The following CSMD1 variants were observed in gnomAD, a reference collection of about 807,000 sequenced individuals.
CSMD1 encodes the protein CUB and sushi domain-containing protein 1.
CSMD1 carries 213 observed loss-of-function variants against 417.5 expected under a neutral mutation model. The observed-to-expected ratio is 0.51, with a 90% CI of 0.46 to 0.57. CSMD1 has a LOEUF of 0.57. CSMD1 is among the 20% of genes least tolerant of loss of function. CSMD1 has a pLI of 0.00. For missense variants in CSMD1, 6,923 were observed against 4,529.7 expected, an observed-to-expected ratio of 1.53 and a Z score of -15.17; for synonymous variants, 2,862 against 1,736.8, an observed-to-expected ratio of 1.65 and a Z score of -16.11.
chr8:4,738,905 G>GTGTGTGTGTGTGTA (rs1554464191), intron 1 of CSMD1, among the ~76,000 whole-genome samples: 2 of 150,702 alleles, frequency 1.3e-5, no homozygotes, highest in African/African-American at 4.9e-5. Context: ...CTGTGTGTTT[G>GTGTGTGTGTGTGTA]TGTGTGTGTG....
chr8:3,753,477 T>C (rs867626618), intron 6 of CSMD1, among the ~76,000 whole-genome samples: 6 of 152,316 alleles, frequency 3.9e-5, no homozygotes, highest in Admixed American at 6.5e-5. Flanking sequence ...TTAAGATTCA[T>C]TGTGTGTAAA....
In CSMD1 at chr8:2,950,265, T is replaced by G. The variant is rs1482245622; in HGVS notation, c.10280A>C (p.Lys3427Thr). 2.5e-6 allele frequency: 4 copies of G among 1,613,048 alleles called. No homozygotes were observed. The African/African-American group carries it at 5.3e-5, about 22-fold the overall frequency. The change falls in exon 67 of 70, where the codon AAG becomes ACG. Residue 3427 changes from lysine (K) to threonine (T), a missense_variant. Physicochemically the swap from Lys to Thr is moderately conservative, Grantham distance 78. Transcript: ENST00000635120. ...TAGTCCCCAGTTGTCATTTTCGAAC[T>G]TGCTTACAAAAATATCTGCCTGGCC... ...IKGQADIFVS[K>T]FENDNWGLDG...
chr8:3,391,751 C>A (rs932019565), intron 17 of CSMD1, among the ~76,000 whole-genome samples: 3 of 152,146 alleles, frequency 2.0e-5, no homozygotes, highest in African/African-American at 7.2e-5. Flanking sequence ...TATAAGTCAG[C>A]CTCGAGTACC....
At chr8:3,178,165 G>C (rs1217257444) in intron 37 of CSMD1, among the ~76,000 whole-genome samples, 1 of 152,088 alleles carries the variant, frequency 6.6e-6, no homozygotes, top group East Asian at 1.9e-4. Context: ...TCTTGGAACT[G>C]CTTTTGCTAC....
In CSMD1 at chr8:3,545,522, C is replaced by T. The variant is rs569115544; in HGVS notation, c.1344+29423G>A. ...GTGAGTGATAAAGAATCATACTGTT[C>T]GGTATAATTTCACCACTCTAATGTG... On this transcript the variant is annotated intron_variant, in intron 10 of 69. Transcript: ENST00000635120. Among the ~76,000 whole-genome samples the T allele has an allele frequency of 5.3e-5, 8 of 152,240 alleles. No individual in the cohort carries two copies. The South Asian group carries it at 1.5e-3, about 28-fold the overall frequency.
At chr8:3,220,044 C>G (rs901218120) in intron 28 of CSMD1, among the ~76,000 whole-genome samples, 3 of 150,812 alleles carry the variant, frequency 2.0e-5, no homozygotes, top group Admixed American at 6.6e-5. Context: ...ACTCAGGAAG[C>G]TAAGGCTGGA....
chr8:3,476,095 C>A (rs747329488), intron 11 of CSMD1, among the ~76,000 whole-genome samples: 1 of 152,172 alleles, frequency 6.6e-6, no homozygotes, highest in African/African-American at 2.4e-5. Flanking sequence ...GTAATCCCAG[C>A]ACTTTCGGAG....
At chr8:3,776,408 A>C (rs2129061135) in intron 5 of CSMD1, among the ~76,000 whole-genome samples, 1 of 152,298 alleles carries the variant, frequency 6.6e-6, no homozygotes, top group East Asian at 1.9e-4. Context: ...GCAAGGGCTG[A>C]CACCTTCTCA....
chr8:3,444,693 G>T (rs1431203960), intron 12 of CSMD1, among the ~76,000 whole-genome samples: 2 of 152,232 alleles, frequency 1.3e-5, no homozygotes, highest in East Asian at 3.9e-4. Flanking sequence ...GGCTGAGGAG[G>T]CTATGAAAAC....
intron 4 of CSMD1, among the ~76,000 whole-genome samples, chr8:4,006,669 C>T (rs1296794785): frequency 1.3e-5 from 2 of 152,146 alleles, no homozygotes; most frequent in African/African-American, 4.8e-5. Context: ...TGTCCTTTTC[C>T]TTTTAATCTG....
chr8:4,230,274 C>G (rs1440604763), intron 3 of CSMD1, among the ~76,000 whole-genome samples: 7 of 152,050 alleles, frequency 4.6e-5, no homozygotes, highest in African/African-American at 1.7e-4. Flanking sequence ...ATCTTATATT[C>G]TAGATTTATA....
At chr8:4,117,631 A>C (rs9314514) in intron 3 of CSMD1, among the ~76,000 whole-genome samples, 150,654 of 152,326 alleles carry the variant, frequency 0.99, 74,526 homozygotes, top group East Asian at 1. Context: ...AGGTGTGTTA[A>C]AACGCTGAAG....
At chr8:4,043,737 G>C (rs1266163868) in intron 3 of CSMD1, among the ~76,000 whole-genome samples, 1 of 152,100 alleles carries the variant, frequency 6.6e-6, no homozygotes, top group Non-Finnish European at 1.5e-5. Flanking sequence ...ATTACTAATA[G>C]ATACTATTGA....
intron 3 of CSMD1, among the ~76,000 whole-genome samples, chr8:4,202,650 C>G (rs921622112): frequency 2.6e-5 from 4 of 152,152 alleles, no homozygotes; most frequent in African/African-American, 7.2e-5. Flanking sequence ...TCGAATACAA[C>G]CAACCCTGTA....
chr8:4,039,813 T>A (rs1367863436), intron 3 of CSMD1, among the ~76,000 whole-genome samples: 1 of 152,170 alleles, frequency 6.6e-6, no homozygotes, highest in African/African-American at 2.4e-5. Flanking sequence ...GTTACAGTCA[T>A]CAGATCTGGC....
chr8:3,085,577 G>T (rs767493178), intron 49 of CSMD1, among the ~76,000 whole-genome samples: 9 of 152,326 alleles, frequency 5.9e-5, no homozygotes, highest in African/African-American at 2.2e-4. Context: ...GGCCACAGCT[G>T]TAAAGATGTC....
intron 5 of CSMD1, among the ~76,000 whole-genome samples, chr8:3,760,434 C>G (rs1342704367): frequency 6.6e-6 from 1 of 152,170 alleles, no homozygotes; most frequent in Non-Finnish European, 1.5e-5. Flanking sequence ...ATAGAACAGG[C>G]CAGTCTGTTT....
At chr8:3,802,844 G>C (rs941779892) in intron 5 of CSMD1, among the ~76,000 whole-genome samples, 6 of 152,154 alleles carry the variant, frequency 3.9e-5, no homozygotes, top group African/African-American at 1.4e-4. Context: ...GCACTTTTAA[G>C]CATCCGCACT....
chr8:3,922,058 G>A (rs1186086710), intron 5 of CSMD1, among the ~76,000 whole-genome samples: 1 of 152,030 alleles, frequency 6.6e-6, no homozygotes, highest in Non-Finnish European at 1.5e-5. Context: ...ATATGTAGGT[G>A]CTACAATGTT....
Sources: gnomAD v4.1 joint callset for allele counts (sites outside exome capture counted in the v4.1 genomes callset) on GRCh38, gnomAD v4.1.1 for gene constraint, MANE v1.5 for transcripts, NCBI Gene and HGNC (gene_info 2026-07-23, HGNC 2026-07-21) for gene names.